Variants in NCAN observed in about 807,000 individuals in gnomAD.
NCAN encodes the protein neurocan core protein.
NCAN carries 47 observed loss-of-function variants against 121.8 expected under a neutral mutation model. The ratio of observed to expected loss-of-function variants is 0.39; its 90% CI spans 0.31 to 0.49. The LOEUF is 0.49. Among genes scored for constraint, NCAN ranks in the 20% least tolerant of loss-of-function variants. The pLI is 0.92. For missense variants in NCAN, 1,517 were observed against 1,773.4 expected (o/e 0.86, Z 2.60); for synonymous variants, 633 against 702.0 (o/e 0.90, Z 1.55).
intron 2 of NCAN, 84 bp downstream of exon 2, chr19:19,217,110 T>A: frequency 1.0e-6 from 1 of 1,004,150 alleles, no homozygotes; most frequent in Non-Finnish European, 1.3e-6. Flanking sequence ...AGCCTTCTCC[T>A]GCTGGTCTCC....
intron 1 of NCAN, among the ~76,000 whole-genome samples, chr19:19,213,564 G>A (rs1395304759): frequency 1.3e-5 from 2 of 151,328 alleles, no homozygotes; most frequent in African/African-American, 4.9e-5. Flanking sequence ...CACGCCGCCT[G>A]TCTTGTAAGT....
chr19:19,215,839 G>T (rs998645948), intron 1 of NCAN, among the ~76,000 whole-genome samples: 1 of 152,216 alleles, frequency 6.6e-6, no homozygotes. Context: ...CAGTCTGATG[G>T]AGGAGGCTGA....
chr19:19,228,245 C>A lies in NCAN; in HGVS notation c.2625C>A (p.Thr875=), dbSNP rs1307292244. 6.2e-7 allele frequency: 1 copy of A among 1,613,910 alleles called. No individual in the cohort carries two copies. Among genetic ancestry groups the A allele is most frequent in the South Asian group, 1.1e-5 (1 of 91,078 alleles). ...LDTSIVTPLT[T]LEQGDKVGVP... ...CAAGCATTGTGACGCCCCTCACGAC[C>A]CTGGAGCAGGGGGACAAGGTTGGAG... Residue 875 remains threonine, a synonymous_variant, in exon 8 of 15, where the codon ACC becomes ACA. Transcript: ENST00000252575.
intron 8 of NCAN, among the ~76,000 whole-genome samples, chr19:19,231,893 C>T (rs2060861377): frequency 6.6e-6 from 1 of 151,776 alleles, no homozygotes; most frequent in African/African-American, 2.4e-5. Context: ...GGTGGGAGGA[C>T]CGCTTGACCC....
chr19:19,249,633 CTGG>C, intron 14 of NCAN, 130 bp from the exon 15 acceptor site: 1 of 1,376,650 alleles, frequency 7.3e-7, no homozygotes, highest in Non-Finnish European at 9.8e-7. Context: ...TCCCAAAGTG[CTGG>C]GATGACAGGG....
Position 19,248,868 on chromosome 19 carries a change from T to C in NCAN, c.3806T>C (p.Ile1269Thr), listed in dbSNP as rs145499060. Reference sequence around the variant, plus strand: ...AATGGCAAGTGGGACAGGCCCCAAATTGTCTGCACCAAACGTAAGTAGCTT... The same window carrying C: ...AATGGCAAGTGGGACAGGCCCCAAACTGTCTGCACCAAACGTAAGTAGCTT... ...RSNGKWDRPQ[I>T]VCTKPRRSHR... Residue 1269 changes from isoleucine (I) to threonine (T), a missense_variant, in exon 14 of 15, where the codon ATT (isoleucine) becomes ACT (threonine). Coordinates refer to ENST00000252575, the MANE Select transcript of NCAN (RefSeq NM_004386.3). 3.2e-5 allele frequency: 51 copies of C among 1,614,114 alleles called. No homozygotes were observed. The highest frequency in any genetic ancestry group is 4.2e-5 in the Non-Finnish European group (50 of 1,179,986).
Position 19,226,907 on chromosome 19 carries a change from G to T in NCAN, c.1494G>T (p.Pro498=), listed in dbSNP as rs144219429. ...ACTTCCAGCAGCAGGAACCGGAGCC[G>T]GGGCTGCAAGGGGGGATGGAGGCCA... ...GRYFQQQEPE[P]GLQGGMEASA... Residue 498 remains proline, a synonymous_variant, in exon 7 of 15, where the codon CCG becomes CCT. Coordinates refer to ENST00000252575, the MANE Select transcript of NCAN (RefSeq NM_004386.3). The T allele has an allele frequency of 1.2e-6, 2 of 1,603,840 alleles. No homozygotes were observed. Among genetic ancestry groups the T allele is most frequent in the South Asian group, 1.1e-5 (1 of 90,136 alleles).
At chr19:19,220,762 A>G (rs902639676) in intron 3 of NCAN, among the ~76,000 whole-genome samples, 12 of 152,040 alleles carry the variant, frequency 7.9e-5, no homozygotes, top group African/African-American at 2.9e-4. Context: ...CTGGCAACCA[A>G]TTCCTTTATT....
intron 1 of NCAN, among the ~76,000 whole-genome samples, chr19:19,214,372 C>T (rs2060788505): frequency 6.6e-6 from 1 of 152,068 alleles, no homozygotes; most frequent in African/African-American, 2.4e-5. Context: ...TCTCTGGCCG[C>T]CCTGGGGAGG....
At chr19:19,217,632 G>A (rs1421782198) in intron 2 of NCAN, among the ~76,000 whole-genome samples, 2 of 152,182 alleles carry the variant, frequency 1.3e-5, no homozygotes, top group Non-Finnish European at 1.5e-5. Flanking sequence ...GAAGGAAAAT[G>A]CCTCTCCCAG....
intron 12 of NCAN, among the ~76,000 whole-genome samples, chr19:19,244,456 G>A (rs1013951840): frequency 4.0e-5 from 6 of 151,404 alleles, no homozygotes; most frequent in African/African-American, 1.2e-4. Flanking sequence ...CTACAGGCGC[G>A]CACCATCATG....
rs760776658 is a variant in NCAN at position 19,240,698 on chromosome 19, G to A, written c.3492+13G>A. On this transcript the variant is annotated intron_variant, in intron 12 of 14. Coordinates refer to ENST00000252575, the MANE Select transcript of NCAN (RefSeq NM_004386.3). ...CAACACCGGGCTGGTGAGTGGCAGGGGCTGCGGGCCTAGGCTGCTGAGCCA... is the reference window on the plus strand; with the variant it reads ...CAACACCGGGCTGGTGAGTGGCAGGAGCTGCGGGCCTAGGCTGCTGAGCCA... 9 of 1,613,488 alleles carry A rather than the reference G, an allele frequency of 5.6e-6. No homozygotes were observed. In the South Asian group the frequency reaches 9.9e-5, roughly 18 times the overall value.
chr19:19,213,281 GA>G (rs141385974), intron 1 of NCAN, among the ~76,000 whole-genome samples: 1 of 152,240 alleles, frequency 6.6e-6, no homozygotes, highest in East Asian at 1.9e-4. Context: ...CAGGGAGGGG[GA>G]GTATGCCCAG....
rs757412416 is a variant in NCAN, at chr19:19,249,780, C to T, written c.3835C>T (p.Arg1279Trp). The T allele has an allele frequency of 1.2e-5, 19 of 1,605,428 alleles. No individual in the cohort carries two copies. Among genetic ancestry groups the T allele is most frequent in the Non-Finnish European group, 1.5e-5 (18 of 1,176,498 alleles). ...IVCTKPRRSH[R>W]MRRHHHHHQH... ...CTTCCCTGCAGCCAGACGTTCACATCGGATGCGGCGACACCACCACCACCA... is the reference window on the plus strand; with the variant it reads ...CTTCCCTGCAGCCAGACGTTCACATTGGATGCGGCGACACCACCACCACCA... Residue 1279 changes from arginine to tryptophan, a missense_variant, in exon 15 of 15, where the codon CGG becomes TGG. Arg to Trp is a moderately radical substitution (Grantham distance 101). Coordinates refer to ENST00000252575, the MANE Select transcript of NCAN (RefSeq NM_004386.3).
intron 8 of NCAN, chr19:19,232,898 G>T (rs1183810529): frequency 6.6e-6 from 1 of 151,826 alleles, no homozygotes; most frequent in Non-Finnish European, 1.5e-5. Context: ...GAACAATATA[G>T]AGAAGATTAG....
intron 12 of NCAN, among the ~76,000 whole-genome samples, chr19:19,241,757 A>G (rs1412838250): frequency 6.6e-6 from 1 of 152,154 alleles, no homozygotes; most frequent in Admixed American, 6.6e-5. Flanking sequence ...TACCCAGAAG[A>G]ATTGAAAACA....
chr19:19,237,470 C>G lies in NCAN; in HGVS notation c.3251-783C>G, dbSNP rs2060885524. Among the ~76,000 whole-genome samples the G allele has an allele frequency of 4.0e-5, 6 of 150,340 alleles. No individual in the cohort carries two copies. The South Asian group carries it at 1.3e-3, about 31-fold the overall frequency. The stretch of plus-strand genomic sequence containing the variant: ...CACCATTACACTCCAGCCTGGGCAA[C>G]AGAGCCAGACTCCATCTCAAAAAAA... On this transcript the variant is annotated intron_variant, in intron 10 of 14. Coordinates refer to ENST00000252575, the MANE Select transcript of NCAN (RefSeq NM_004386.3).
intron 1 of NCAN, among the ~76,000 whole-genome samples, chr19:19,213,653 C>T (rs1480064115): frequency 6.6e-6 from 1 of 151,964 alleles, no homozygotes. Context: ...GTCTGGGGTG[C>T]GTGGCTGTGT....
At chr19:19,236,086 C>T (rs1258335574) in intron 10 of NCAN, among the ~76,000 whole-genome samples, 1 of 152,198 alleles carries the variant, frequency 6.6e-6, no homozygotes, top group Non-Finnish European at 1.5e-5. Flanking sequence ...TCTGTACAAT[C>T]ACAATGTTGT....
Sources: allele counts gnomAD v4.1 joint callset (sites outside exome capture counted in the v4.1 genomes callset), GRCh38; gene constraint gnomAD v4.1.1; transcripts MANE v1.5; gene names NCBI Gene and HGNC (gene_info 2026-07-23, HGNC 2026-07-21).